Variants in NRXN3 observed in about 807,000 individuals in gnomAD.
NRXN3 encodes the protein neurexin III.
NRXN3 carries 32 observed loss-of-function variants against 137.6 expected under a neutral mutation model. The ratio of observed to expected loss-of-function variants is 0.23; its 90% confidence interval spans 0.18 to 0.31. NRXN3 has a LOEUF of 0.31. Ranked by LOEUF, NRXN3 falls within the 10% of genes least tolerant of loss-of-function variation. The probability of loss-of-function intolerance (pLI) is 1.00; values close to 1 mark genes in which losing one functional copy is unlikely to be tolerated. For missense variants in NRXN3, 1,574 were observed against 2,062.5 expected (o/e 0.76, Z 4.59); for synonymous variants, 798 against 784.5 (o/e 1.02, Z -0.29).
intron 15 of NRXN3, among the ~76,000 whole-genome samples, chr14:79,066,516 T>G (rs2099680934): frequency 6.6e-6 from 1 of 152,168 alleles, no homozygotes; most frequent in Admixed American, 6.6e-5. Flanking sequence ...TTTCTAATTC[T>G]GTGAAGAATG....
rs2099418464 is a variant in NRXN3 at position 79,867,360 on chromosome 14, A to C, written c.*5396A>C. ...ACTGAAATGTATTTCTCAGTTCCAG[A>C]AACAAAGTTGCAGATCAAAGTTTGT... On this transcript the variant is annotated 3_prime_UTR_variant, in exon 21 of 21. Transcript: ENST00000335750. 6.6e-6 allele frequency: 1 copy of C among 152,206 alleles called. No individual in the cohort carries two copies. The highest frequency in any genetic ancestry group is 2.4e-5 in the African/African-American group (1 of 41,446). The allele number at this position is 152,206 out of a possible 1,614,324, so 9.4% of individuals were successfully genotyped here. A position where few individuals can be genotyped will look rare whatever the true frequency, so the allele number is the denominator to read the frequency against.
At chr14:78,588,683 T>G (rs1283287802) in intron 4 of NRXN3, among the ~76,000 whole-genome samples, 2 of 152,214 alleles carry the variant, frequency 1.3e-5, no homozygotes, top group African/African-American at 4.8e-5. Flanking sequence ...ATAGTACAAG[T>G]GAGAACTCAA....
intron 1 of NRXN3, among the ~76,000 whole-genome samples, chr14:78,227,630 G>A (rs2064848725): frequency 2.0e-5 from 3 of 152,148 alleles, no homozygotes; most frequent in Admixed American, 1.3e-4. Context: ...GGTTCTCTGC[G>A]GTGACGTCCT....
At chr14:78,229,393 G>A (rs540868018) in intron 1 of NRXN3, among the ~76,000 whole-genome samples, 11 of 151,930 alleles carry the variant, frequency 7.2e-5, no homozygotes, top group African/African-American at 2.7e-4. Context: ...TTCCGCCACC[G>A]TCCAGTCATG....
chr14:78,239,044 G>A (rs1295234218), intron 1 of NRXN3, among the ~76,000 whole-genome samples: 1 of 152,250 alleles, frequency 6.6e-6, no homozygotes, highest in East Asian at 1.9e-4. Flanking sequence ...CAGGATTGAT[G>A]TCCTTGTGTA....
chr14:79,193,130 G>C (rs955701101), intron 15 of NRXN3, among the ~76,000 whole-genome samples: 1 of 55,292 alleles, frequency 1.8e-5, no homozygotes, highest in Non-Finnish European at 3.4e-5. Context: ...TCATAGAAGG[G>C]TTTTAAAGAC....
At chr14:79,602,348 G>T (rs2097935456) in intron 16 of NRXN3, among the ~76,000 whole-genome samples, 1 of 152,196 alleles carries the variant, frequency 6.6e-6, no homozygotes, top group Admixed American at 6.5e-5. Context: ...TGAGTTCATT[G>T]ACAGTGCTTA....
intron 15 of NRXN3, among the ~76,000 whole-genome samples, chr14:79,301,861 G>A (rs560385041): frequency 6.6e-6 from 1 of 151,982 alleles, no homozygotes; most frequent in South Asian, 2.1e-4. Context: ...TTGAAATAGG[G>A]AAACTGAGAT....
intron 15 of NRXN3, among the ~76,000 whole-genome samples, chr14:79,350,445 A>G (rs1456644331): frequency 6.6e-6 from 1 of 152,194 alleles, no homozygotes; most frequent in Non-Finnish European, 1.5e-5. Context: ...TGAATGCATC[A>G]TAGAGATTTA....
At chr14:78,642,717 G>A (rs186243587) in intron 4 of NRXN3, among the ~76,000 whole-genome samples, 2 of 152,310 alleles carry the variant, frequency 1.3e-5, no homozygotes, top group Admixed American at 1.3e-4. Context: ...CTCCTGAGCA[G>A]GGCCTTGTCC....
chr14:79,701,507 C>G (rs1254598288), intron 19 of NRXN3, among the ~76,000 whole-genome samples: 1 of 151,958 alleles, frequency 6.6e-6, no homozygotes, highest in Non-Finnish European at 1.5e-5. Context: ...GGCCCTTTTC[C>G]CTCTCTATGT....
intron 4 of NRXN3, among the ~76,000 whole-genome samples, chr14:78,434,901 G>C (rs2094010312): frequency 6.6e-6 from 1 of 152,190 alleles, no homozygotes; most frequent in Admixed American, 6.5e-5. Flanking sequence ...GTGAATAACA[G>C]TTCCACTAAA....
At chr14:79,450,936 T>C (rs1035090695) in intron 15 of NRXN3, among the ~76,000 whole-genome samples, 2 of 152,110 alleles carry the variant, frequency 1.3e-5, no homozygotes, top group Non-Finnish European at 2.9e-5. Flanking sequence ...TAAGCACTTA[T>C]GTTAGAGGCA....
chr14:79,663,700 C>G (rs2098545239), intron 16 of NRXN3, 78 bp from the exon 17 acceptor site: 1 of 1,288,360 alleles, frequency 7.8e-7, no homozygotes, highest in Admixed American at 2.1e-5. Flanking sequence ...AGGTTTATTG[C>G]TGGTTGGAGG....
At position 78,709,242 on chromosome 14, in the gene NRXN3, G is replaced by A. The variant is rs780387298; in HGVS notation, c.1247G>A (p.Arg416His). The A allele has an allele frequency of 3.5e-5, 57 of 1,613,566 alleles. No individual in the cohort carries two copies. The highest frequency in any genetic ancestry group is 1.4e-4 in the South Asian group (13 of 91,012). ...GTTGTTTATAAGAATAATGACATCC[G>A]TCTGGAGCTGTCTCGCCTGGCCCGG... The part of the protein sequence containing the change: ...KEVVYKNNDI[R>H]LELSRLARIA... The change falls in exon 7 of 21, where the codon CGT becomes CAT. Residue 416 changes from arginine to histidine, a missense_variant. This residue lies in a region of NRXN3 where 718 missense variants were observed against 887.6 expected (regional missense o/e 0.81). Transcript: ENST00000335750.
intron 15 of NRXN3, among the ~76,000 whole-genome samples, chr14:79,118,276 G>T (rs563397348): frequency 1.8e-3 from 271 of 152,054 alleles, no homozygotes; most frequent in Non-Finnish European, 2.6e-3. Context: ...GCTCACAAAA[G>T]CTTCAGCAAA....
At chr14:78,254,456 A>G (rs1396602942) in intron 2 of NRXN3, among the ~76,000 whole-genome samples, 1 of 152,118 alleles carries the variant, frequency 6.6e-6, no homozygotes, top group African/African-American at 2.4e-5. Flanking sequence ...CGAGGCAGGC[A>G]GATCACGAGG....
At chr14:78,728,943 C>T (rs1444407737) in intron 8 of NRXN3, among the ~76,000 whole-genome samples, 1 of 152,114 alleles carries the variant, frequency 6.6e-6, no homozygotes, top group African/African-American at 2.4e-5. Context: ...ATTTGAATCC[C>T]AGTTCCATTG....
chr14:79,362,043 T>C (rs1310838265), intron 15 of NRXN3, among the ~76,000 whole-genome samples: 1 of 143,044 alleles, frequency 7.0e-6, no homozygotes, highest in Non-Finnish European at 1.5e-5. Flanking sequence ...ATTTGCAACC[T>C]CTGCCTCCAG....
Sources: allele counts gnomAD v4.1 joint callset (sites outside exome capture counted in the v4.1 genomes callset), GRCh38; gene constraint gnomAD v4.1.1; regional missense constraint gnomAD v4.1.1; transcripts MANE v1.5; gene names NCBI Gene and HGNC (gene_info 2026-07-23, HGNC 2026-07-21).